Variants in FGD3 observed in about 807,000 individuals in gnomAD.
The protein encoded by FGD3 is FYVE, RhoGEF and PH domain containing 3, also known as FYVE, RhoGEF and PH domain-containing protein 3.
FGD3 carries 45 observed loss-of-function variants against 71.8 expected under a neutral mutation model. The observed-to-expected ratio is 0.63, with a 90% CI of 0.49 to 0.80. The LOEUF (loss-of-function observed/expected upper bound fraction) is 0.80, where lower values mean the gene tolerates loss of function less well. FGD3 is among the 30% of genes least tolerant of loss of function. The pLI is 0.00. For missense variants in FGD3, 844 were observed against 951.5 expected (o/e 0.89, Z 1.49); for synonymous variants, 378 against 392.8 (o/e 0.96, Z 0.44).
intron 14 of FGD3, among the ~76,000 whole-genome samples, chr9:93,029,612 G>A (rs1254508343): frequency 1.3e-5 from 2 of 152,226 alleles, no homozygotes; most frequent in Non-Finnish European, 2.9e-5. Context: ...TAAAGTCATT[G>A]GCCAAGTTGT....
chr9:92,961,733 T>C (rs775359697), intron 1 of FGD3, among the ~76,000 whole-genome samples: 16 of 152,172 alleles, frequency 1.1e-4, no homozygotes, highest in African/African-American at 1.9e-4. Flanking sequence ...TGACTGAAAC[T>C]GAGGATCATT....
In FGD3 at chr9:92,975,222, A is replaced by C. The variant is rs1003858403; in HGVS notation, c.-217-16A>C. The stretch of plus-strand genomic sequence containing the variant: ...TTGGAGAAGGTGGTTTTCTTTCTCT[A>C]CTAATGTCTTTTCAGTACCTCCTAA... On this transcript the variant is annotated splice_polypyrimidine_tract_variant and intron_variant, in intron 1 of 17. Transcript: ENST00000375482. 1 of 152,198 alleles carries C rather than the reference A, an allele frequency of 6.6e-6. No homozygotes were observed. The highest frequency in any genetic ancestry group is 2.4e-5 in the African/African-American group (1 of 41,426). 9.4% of individuals were successfully genotyped at this position (152,198 alleles called of 1,614,324 possible).
Position 93,032,867 on chromosome 9 carries a change from C to T in FGD3, c.1779C>T (p.Ser593=), listed in dbSNP as rs1862409826. Residue 593 remains serine, a synonymous_variant, in exon 16 of 18, where the codon AGC becomes AGT. Coordinates refer to ENST00000375482, the MANE Select transcript of FGD3 (RefSeq NM_001083536.2). ...CFLTQPVAPE[S]TEKTPTADPQ... ...TGACACAGCCAGTGGCCCCTGAGAG[C>T]ACAGAGGTGGGTGCTCCCAGCTCCT... is the stretch of plus-strand genomic sequence containing the variant. 2 of 1,614,094 alleles carry T rather than the reference C, an allele frequency of 1.2e-6. No homozygotes were observed. The highest frequency in any genetic ancestry group is 1.7e-6 in the Non-Finnish European group (2 of 1,179,936).
intron 1 of FGD3, among the ~76,000 whole-genome samples, chr9:92,954,491 G>T (rs1013673451): frequency 6.6e-6 from 1 of 152,160 alleles, no homozygotes; most frequent in Admixed American, 6.6e-5. Context: ...TCCTGTGCCC[G>T]TGTGGCCCAA....
At chr9:92,981,368 C>A (rs1216468089) in intron 3 of FGD3, among the ~76,000 whole-genome samples, 1,693 of 110,882 alleles carry the variant, frequency 0.015, no homozygotes, top group Non-Finnish European at 0.016. Flanking sequence ...ATTCCATCTC[C>A]AAAAAAAAAA....
chr9:93,010,898 C>A (rs1031097353), intron 7 of FGD3, among the ~76,000 whole-genome samples: 2 of 152,228 alleles, frequency 1.3e-5, no homozygotes, highest in African/African-American at 4.8e-5. Context: ...CAGGAATGGG[C>A]CTCATAGGGC....
intron 14 of FGD3, among the ~76,000 whole-genome samples, chr9:93,028,502 C>T (rs1014341038): frequency 3.5e-5 from 5 of 143,760 alleles, no homozygotes; most frequent in Non-Finnish European, 8.0e-5. Context: ...GTTTCGGCAC[C>T]CATAACAAAG....
chr9:92,978,631 AG>A (rs1367444124), intron 3 of FGD3, among the ~76,000 whole-genome samples: 1 of 150,396 alleles, frequency 6.6e-6, no homozygotes, highest in Non-Finnish European at 1.5e-5. Flanking sequence ...CTCCACCCCA[AG>A]GTGAACATGA....
chr9:93,020,326 G>T lies in FGD3; in HGVS notation c.1396G>T (p.Ala466Ser). 1.2e-6 allele frequency: 2 copies of T among 1,611,842 alleles called. No individual in the cohort carries two copies. The highest frequency in any genetic ancestry group is 8.5e-7 in the Non-Finnish European group (1 of 1,179,148). Residue 466 changes from alanine (A) to serine (S), a missense_variant, in exon 13 of 18, where the codon GCC becomes TCC. By Grantham distance (99) the Ala-to-Ser change is moderately conservative. Coordinates refer to ENST00000375482, the MANE Select transcript of FGD3 (RefSeq NM_001083536.2). ...EKKEWIQIIQ[A>S]TIEKHKQNSE... ...GTGTTGCTGTGTCCAGATCATCCAG[G>T]CCACCATCGAGAAGCACAAACAGAA...
At chr9:92,992,412 G>C (rs1860448836) in intron 3 of FGD3, among the ~76,000 whole-genome samples, 1 of 152,160 alleles carries the variant, frequency 6.6e-6, no homozygotes, top group South Asian at 2.1e-4. Context: ...TTATAAGACT[G>C]GTCTAGTGGT....
intron 14 of FGD3, among the ~76,000 whole-genome samples, chr9:93,024,031 G>C (rs888507073): frequency 1.3e-5 from 2 of 151,912 alleles, no homozygotes; most frequent in African/African-American, 4.8e-5. Flanking sequence ...TCAATCTCTT[G>C]ACCTTGTGAT....
chr9:93,002,961 G>C lies in FGD3; in HGVS notation c.490G>C (p.Glu164Gln). The C allele has an allele frequency of 6.2e-7, 1 of 1,614,108 alleles. No individual in the cohort carries two copies. The highest frequency in any genetic ancestry group is 8.5e-7 in the Non-Finnish European group (1 of 1,180,030). The change falls in exon 4 of 18, where the codon GAG (glutamate) becomes CAG (glutamine). Residue 164 changes from glutamate to glutamine, a missense_variant. Glu to Gln is a conservative substitution (Grantham distance 29, BLOSUM62 2). Transcript: ENST00000375482. ...CCAGAAGCTTCTCCACATTGCCCAG[G>C]AGCTCCTGCACACCGAGGAGACCTA... ...GPQKLLHIAQ[E>Q]LLHTEETYVK...
At chr9:93,032,112 C>T (rs1448335928) in intron 15 of FGD3, among the ~76,000 whole-genome samples, 1 of 152,230 alleles carries the variant, frequency 6.6e-6, no homozygotes, top group African/African-American at 2.4e-5. Context: ...CCGATGGACA[C>T]GGGTTGCTTC....
At chr9:92,986,812 A>T (rs1339427804) in intron 3 of FGD3, among the ~76,000 whole-genome samples, 2 of 152,248 alleles carry the variant, frequency 1.3e-5, no homozygotes, top group East Asian at 3.9e-4. Flanking sequence ...GGTTCCAATT[A>T]GTGTCTGTCC....
intron 1 of FGD3, among the ~76,000 whole-genome samples, chr9:92,971,462 T>G (rs778517692): frequency 4.9e-4 from 75 of 151,620 alleles, no homozygotes; most frequent in Non-Finnish European, 8.8e-4. Context: ...CCATCCTCCC[T>G]TCTGTGGTAA....
At position 93,036,205 on chromosome 9, in the gene FGD3, T is replaced by C. The variant is rs2118857148; in HGVS notation, c.*616T>C. The C allele has an allele frequency of 6.6e-6, 1 of 152,552 alleles. No homozygotes were observed. Among genetic ancestry groups the C allele is most frequent in the Admixed American group, 6.5e-5 (1 of 15,312 alleles). The allele number at this position is 152,552 out of a possible 1,614,324, so 9.4% of individuals were successfully genotyped here. A position where few individuals can be genotyped will look rare whatever the true frequency, so the allele number is the denominator to read the frequency against. On this transcript the variant is annotated 3_prime_UTR_variant, in exon 18 of 18. Transcript: ENST00000375482. ...TGATGCTAGTGGCACACAGTGCTTATCTGCATAAATAAACACTGGCCACCA... is the reference window on the plus strand; with the variant it reads ...TGATGCTAGTGGCACACAGTGCTTACCTGCATAAATAAACACTGGCCACCA...
intron 1 of FGD3, among the ~76,000 whole-genome samples, chr9:92,966,340 C>A (rs949663269): frequency 6.6e-6 from 1 of 152,204 alleles, no homozygotes; most frequent in Non-Finnish European, 1.5e-5. Context: ...GTGGTGCCTC[C>A]GTCCCCACAC....
intron 14 of FGD3, among the ~76,000 whole-genome samples, chr9:93,023,770 A>G (rs546457303): frequency 6.7e-6 from 1 of 149,232 alleles, no homozygotes; most frequent in South Asian, 2.1e-4. Context: ...AAATGTCTCA[A>G]TGACAGGAAC....
At position 93,020,443 on chromosome 9, in the gene FGD3, G is replaced by A. The variant is rs749687147; in HGVS notation, c.1494+19G>A. 3 of 1,605,902 alleles carry A rather than the reference G, an allele frequency of 1.9e-6. No individual in the cohort carries two copies. The highest frequency in any genetic ancestry group is 2.6e-6 in the Non-Finnish European group (3 of 1,175,360). ...CATGCCTGTGAGTCAGTGGCCCGGG[G>A]TGCAGAGAGACCTCCAGGGGACGGG... On this transcript the variant is annotated intron_variant, in intron 13 of 17. Transcript: ENST00000375482.
Sources: gnomAD v4.1 joint callset for allele counts (sites outside exome capture counted in the v4.1 genomes callset) on GRCh38, gnomAD v4.1.1 for gene constraint, MANE v1.5 for transcripts, NCBI Gene and HGNC (gene_info 2026-07-23, HGNC 2026-07-21) for gene names.